The following ASAP2 variants were observed in gnomAD, a reference collection of about 807,000 sequenced individuals.
ASAP2 encodes the protein ArfGAP with SH3 domain, ankyrin repeat and PH domain 2, also known as arf-GAP with SH3 domain, ANK repeat and PH domain-containing protein 2.
ASAP2 carries 45 observed loss-of-function variants against 131.4 expected under a neutral mutation model. The observed-to-expected ratio is 0.34, with a 90% CI of 0.27 to 0.44. The LOEUF is 0.44. Ranked by LOEUF, ASAP2 falls within the 20% of genes least tolerant of loss-of-function variation. ASAP2 has a pLI of 1.00. For synonymous variants in ASAP2, 510 were observed against 503.0 expected, an observed-to-expected ratio of 1.01 and a Z score of -0.19; for missense variants, 1,011 against 1,297.0, an observed-to-expected ratio of 0.78 and a Z score of 3.39.
intron 27 of ASAP2, among the ~76,000 whole-genome samples, chr2:9,402,721 A>T (rs770134400): frequency 6.6e-6 from 1 of 152,206 alleles, no homozygotes; most frequent in African/African-American, 2.4e-5. Flanking sequence ...GGCTGTTTTT[A>T]GCCTTTTATT....
At chr2:9,213,001 G>A (rs1661705826) in intron 1 of ASAP2, among the ~76,000 whole-genome samples, 1 of 152,234 alleles carries the variant, frequency 6.6e-6, no homozygotes. Context: ...TCTGGGTGGG[G>A]CTTCGAGCCT....
chr2:9,345,639 A>G (rs1286392059), intron 11 of ASAP2, among the ~76,000 whole-genome samples: 1 of 151,952 alleles, frequency 6.6e-6, no homozygotes, highest in Non-Finnish European at 1.5e-5. Context: ...TTGCATTCCC[A>G]TTCCCCAAGC....
chr2:9,258,122 T>G (rs1474525680), intron 1 of ASAP2, among the ~76,000 whole-genome samples: 1 of 152,158 alleles, frequency 6.6e-6, no homozygotes, highest in African/African-American at 2.4e-5. Flanking sequence ...CACATTTCAT[T>G]TCTTTCCATC....
At chr2:9,227,933 G>A (rs1662894149) in intron 1 of ASAP2, among the ~76,000 whole-genome samples, 1 of 152,228 alleles carries the variant, frequency 6.6e-6, no homozygotes, top group Non-Finnish European at 1.5e-5. Context: ...CATCAGAAGA[G>A]AGTTAATAGT....
At position 9,389,206 on chromosome 2, in the gene ASAP2, C is replaced by T. The variant is rs907356380; in HGVS notation, c.2383+660C>T. Among the ~76,000 whole-genome samples the T allele has an allele frequency of 6.6e-6, 1 of 152,212 alleles. No homozygotes were observed. The highest frequency in any genetic ancestry group is 6.5e-5 in the Admixed American group (1 of 15,282). ...TTCATTCCTGAAGAGCAGCTGGCTA[C>T]GGTGCTTCTTGAAGGCAGGTCCGGC... On this transcript the variant is annotated intron_variant, in intron 22 of 27. Coordinates refer to ENST00000281419, the MANE Select transcript of ASAP2 (RefSeq NM_003887.3). This position sits in a 1 kb window ranked among gnomAD's most constrained non-coding sequence, Gnocchi z 4.7.
chr2:9,275,086 T>G (rs1374940656), intron 1 of ASAP2, among the ~76,000 whole-genome samples: 2 of 150,152 alleles, frequency 1.3e-5, no homozygotes, highest in African/African-American at 2.5e-5. Flanking sequence ...TTGTCTGTTT[T>G]TTTTTTTTTT....
At chr2:9,223,332 T>C (rs1558245944) in intron 1 of ASAP2, among the ~76,000 whole-genome samples, 1 of 152,228 alleles carries the variant, frequency 6.6e-6, no homozygotes. Context: ...ATAGGAAATC[T>C]CTTAAGGGCC....
At chr2:9,346,674 GAAAC>G (rs1362390935) in intron 11 of ASAP2, among the ~76,000 whole-genome samples, 2 of 152,212 alleles carry the variant, frequency 1.3e-5, no homozygotes, top group African/African-American at 2.4e-5. Context: ...CCTCAGTGCA[GAAAC>G]TGTCATACAA....
chr2:9,249,930 C>T (rs527480369), intron 1 of ASAP2, among the ~76,000 whole-genome samples: 54 of 152,344 alleles, frequency 3.5e-4, no homozygotes, highest in African/African-American at 1.2e-3. Context: ...ATTGGGCCAC[C>T]GTCTCCTGCC....
chr2:9,329,741 G>C (rs74612567), intron 7 of ASAP2, among the ~76,000 whole-genome samples: 1 of 152,190 alleles, frequency 6.6e-6, no homozygotes, highest in Non-Finnish European at 1.5e-5. Flanking sequence ...GAATTGCCAT[G>C]CCTGTCTGCT....
chr2:9,404,116 T>C lies in ASAP2; in HGVS notation c.*789T>C, dbSNP rs1676982695. 6.6e-6 allele frequency: 1 copy of C among 152,394 alleles called. No homozygotes were observed. Among genetic ancestry groups the C allele is most frequent in the South Asian group, 2.1e-4 (1 of 4,834 alleles). The allele number at this position is 152,394 out of a possible 1,614,324, so 9.4% of individuals were successfully genotyped here. ...TGCTTTAGGTGTTTTGGAATTTGCC[T>C]TCTTGAACTTCCTGAGTCACACAGA... On this transcript the variant is annotated 3_prime_UTR_variant, in exon 28 of 28. Coordinates refer to ENST00000281419, the MANE Select transcript of ASAP2 (RefSeq NM_003887.3).
At position 9,327,914 on chromosome 2, in the gene ASAP2, A is replaced by G. The variant is rs1366619392; in HGVS notation, c.686+3A>G. ...AAATACTTTCATGCCCAATGCAAGTAAGTTCTTCTCTGTTATGTTATCTTA... is the reference window on the plus strand; with the variant it reads ...AAATACTTTCATGCCCAATGCAAGTGAGTTCTTCTCTGTTATGTTATCTTA... On this transcript the variant is annotated splice_donor_region_variant and intron_variant, in intron 7 of 27. Coordinates refer to ENST00000281419, the MANE Select transcript of ASAP2 (RefSeq NM_003887.3). 5 of 1,568,626 alleles carry G rather than the reference A, an allele frequency of 3.2e-6. No homozygotes were observed. In the Admixed American group the frequency reaches 1.0e-4, roughly 32 times the overall value.
chr2:9,313,462 T>G (rs1240581881), intron 3 of ASAP2, among the ~76,000 whole-genome samples: 1 of 152,196 alleles, frequency 6.6e-6, no homozygotes, highest in East Asian at 1.9e-4. Flanking sequence ...AACCTAAGAT[T>G]CTCTTTAGAA....
chr2:9,291,581 C>A (rs1030628144), intron 2 of ASAP2, among the ~76,000 whole-genome samples: 3 of 152,192 alleles, frequency 2.0e-5, no homozygotes, highest in African/African-American at 7.2e-5. Flanking sequence ...TCATGTCATC[C>A]GTCTAGGGAG....
chr2:9,213,510 T>C (rs1165507399), intron 1 of ASAP2, among the ~76,000 whole-genome samples: 1 of 151,970 alleles, frequency 6.6e-6, no homozygotes, highest in Non-Finnish European at 1.5e-5. Flanking sequence ...ACTGTGGTTC[T>C]AGGGAAAACA....
chr2:9,300,552 G>T (rs1668417608), intron 3 of ASAP2, among the ~76,000 whole-genome samples: 2 of 152,218 alleles, frequency 1.3e-5, no homozygotes, highest in Admixed American at 6.5e-5. Flanking sequence ...GAGAGTAAAG[G>T]TATCAATAAA....
chr2:9,208,464 GA>G, intron 1 of ASAP2, among the ~76,000 whole-genome samples: 1 of 124,372 alleles, frequency 8.0e-6, no homozygotes, highest in Non-Finnish European at 1.7e-5. Context: ...GGAATTGCTT[GA>G]AAAAAAATCC....
At chr2:9,305,385 T>C (rs1333714575) in intron 3 of ASAP2, among the ~76,000 whole-genome samples, 10 of 147,354 alleles carry the variant, frequency 6.8e-5, no homozygotes, top group African/African-American at 2.5e-4. Context: ...GTATAGATAT[T>C]GGTGGAGGGG....
rs114735502 is a variant in ASAP2, at chr2:9,317,166, T to A, written c.346-1358T>A. Among the ~76,000 whole-genome samples the A allele has an allele frequency of 7.1e-3, 924 of 129,816 alleles. 8 individuals carry two copies. The highest frequency in any genetic ancestry group is 0.027 in the African/African-American group (819 of 30,340). The allele number at this position is 129,816 out of a possible 152,430, so 85.2% of individuals were successfully genotyped here. Reference sequence around the variant, plus strand: ...CAATCACACCCACTCACATCCACACTCTCACCACACTCAACACACACCCCA... The same window carrying A: ...CAATCACACCCACTCACATCCACACACTCACCACACTCAACACACACCCCA... On this transcript the variant is annotated intron_variant, in intron 3 of 27. Coordinates refer to ENST00000281419, the MANE Select transcript of ASAP2 (RefSeq NM_003887.3).
Sources: gnomAD v4.1 joint callset for allele counts (sites outside exome capture counted in the v4.1 genomes callset) on GRCh38, gnomAD v4.1.1 for gene constraint, Gnocchi (gnomAD v3.1) non-coding constraint, MANE v1.5 for transcripts, NCBI Gene and HGNC (gene_info 2026-07-23, HGNC 2026-07-21) for gene names.